PJA2: variants seen among roughly 807,000 people sequenced by gnomAD.
The protein encoded by PJA2 is E3 ubiquitin-protein ligase Praja-2.
PJA2 carries 25 observed loss-of-function variants against 69.3 expected under a neutral mutation model. The ratio of observed to expected loss-of-function variants is 0.36; its 90% CI spans 0.26 to 0.50. PJA2 has a LOEUF of 0.50. Among genes scored for constraint, PJA2 ranks in the 20% least tolerant of loss-of-function variants. The probability of loss-of-function intolerance (pLI) is 0.96; values close to 1 mark genes in which losing one functional copy is unlikely to be tolerated. For missense variants in PJA2, 809 were observed against 830.2 expected (o/e 0.97, Z 0.31); for synonymous variants, 308 against 277.8 (o/e 1.11, Z -1.08).
At chr5:109,356,726 G>A (rs75487666) in intron 6 of PJA2, among the ~76,000 whole-genome samples, 5,056 of 151,728 alleles carry the variant, frequency 0.033, 109 homozygotes, top group Middle Eastern at 0.051. Flanking sequence ...TAATAACTCT[G>A]GATTTTAAAA....
intron 5 of PJA2, among the ~76,000 whole-genome samples, chr5:109,364,500 G>A (rs796913749): frequency 1.5e-4 from 22 of 150,232 alleles, no homozygotes; most frequent in African/African-American, 5.4e-4. Context: ...GCGGGCGCCT[G>A]TAGTCCCAGC....
chr5:109,384,190 C>A (rs1747109813), intron 1 of PJA2, among the ~76,000 whole-genome samples: 1 of 152,172 alleles, frequency 6.6e-6, no homozygotes, highest in Non-Finnish European at 1.5e-5. Flanking sequence ...CATTGCTTCT[C>A]TGTCAAGCAG....
intron 7 of PJA2, among the ~76,000 whole-genome samples, chr5:109,353,781 AGATGTCTAT>A (rs1370740312): frequency 1.4e-3 from 204 of 143,428 alleles, no homozygotes; most frequent in Admixed American, 1.7e-3. Context: ...TCTATAGATT[AGATGTCTAT>A]GATATCTAGA....
At chr5:109,380,110 T>TTTG (rs1561357771) in intron 3 of PJA2, among the ~76,000 whole-genome samples, 2 of 144,832 alleles carry the variant, frequency 1.4e-5, no homozygotes, top group African/African-American at 5.2e-5. Flanking sequence ...TTTTTTTTTT[T>TTTG]TGAGACGGAG....
At chr5:109,377,549 T>C (rs528744413) in intron 4 of PJA2, among the ~76,000 whole-genome samples, 1 of 152,260 alleles carries the variant, frequency 6.6e-6, no homozygotes, top group East Asian at 1.9e-4. Flanking sequence ...AGAATAGTGG[T>C]GAACAGTCTC....
At chr5:109,342,863 C>T (rs1297608825) in intron 9 of PJA2, among the ~76,000 whole-genome samples, 18 of 20,426 alleles carry the variant, frequency 8.8e-4, no homozygotes, top group African/African-American at 2.6e-3. Context: ...CCAGCCGCCC[C>T]GTCCGGGAGG....
intron 1 of PJA2, among the ~76,000 whole-genome samples, chr5:109,395,259 C>T (rs1747379641): frequency 6.6e-6 from 1 of 152,206 alleles, no homozygotes; most frequent in Admixed American, 6.5e-5. Context: ...AGGCTGGGCC[C>T]AGTGGCTCAT....
At chr5:109,403,848 G>C (rs1385556812) in intron 1 of PJA2, among the ~76,000 whole-genome samples, 2 of 151,228 alleles carry the variant, frequency 1.3e-5, no homozygotes, top group African/African-American at 4.9e-5. Flanking sequence ...AAGGCGGGCA[G>C]ATCACGAGGT....
intron 4 of PJA2, among the ~76,000 whole-genome samples, chr5:109,369,052 G>A (rs530098198): frequency 6.6e-6 from 1 of 152,234 alleles, no homozygotes; most frequent in East Asian, 1.9e-4. Flanking sequence ...TGCCAAGTGA[G>A]AAGCCTTGTT....
At chr5:109,387,390 G>T (rs960233466) in intron 1 of PJA2, among the ~76,000 whole-genome samples, 1 of 152,022 alleles carries the variant, frequency 6.6e-6, no homozygotes, top group African/African-American at 2.4e-5. Context: ...CCATAGCTAG[G>T]GTCAAGATTA....
chr5:109,381,245 G>A (rs1747040969), intron 3 of PJA2, among the ~76,000 whole-genome samples: 1 of 151,950 alleles, frequency 6.6e-6, no homozygotes, highest in Admixed American at 6.6e-5. Flanking sequence ...CCTTTGGCTG[G>A]AGGTTATGAC....
At position 109,378,767 on chromosome 5, in the gene PJA2, T is replaced by C. The variant is rs776730818; in HGVS notation, c.720A>G (p.Lys240=). 1 of 1,612,456 alleles carries C rather than the reference T, an allele frequency of 6.2e-7. No individual in the cohort carries two copies. Among genetic ancestry groups the C allele is most frequent in the South Asian group, 1.1e-5 (1 of 91,078 alleles). The change falls in exon 4 of 10, where the codon AAA becomes AAG. Residue 240 remains lysine (K), a synonymous_variant. Coordinates refer to ENST00000361189, the MANE Select transcript of PJA2 (RefSeq NM_014819.5). ...FEELDSVPLV[K]SSAGDTEFVH... is the part of the protein sequence containing the mutation. ...CAAACTCAGTATCACCAGCAGAACT[T>C]TTCACTAATGGTACAGAATCTAACT...
At chr5:109,345,605 T>C (rs969723694) in intron 7 of PJA2, among the ~76,000 whole-genome samples, 5 of 152,020 alleles carry the variant, frequency 3.3e-5, no homozygotes, top group Admixed American at 6.5e-5. Context: ...TTTCCAACTA[T>C]TGGTTCCTAT....
At chr5:109,373,140 T>A (rs2127003780) in intron 4 of PJA2, among the ~76,000 whole-genome samples, 1 of 152,062 alleles carries the variant, frequency 6.6e-6, no homozygotes, top group Middle Eastern at 3.4e-3. Context: ...TTCAAGGCAG[T>A]AAGAAGAGTG....
chr5:109,347,670 T>TG (rs56775433), intron 7 of PJA2, among the ~76,000 whole-genome samples: 4,246 of 152,298 alleles, frequency 0.028, 203 homozygotes, highest in African/African-American at 0.097. Context: ...CACAGTACCA[T>TG]AAATACTCCT....
intron 4 of PJA2, among the ~76,000 whole-genome samples, chr5:109,374,749 C>A (rs1213466118): frequency 1.3e-5 from 2 of 152,188 alleles, no homozygotes; most frequent in African/African-American, 4.8e-5. Flanking sequence ...CACAAAAATT[C>A]TGCAAGAAAC....
intron 1 of PJA2, among the ~76,000 whole-genome samples, chr5:109,386,718 G>A (rs1462122146): frequency 6.6e-6 from 1 of 151,940 alleles, no homozygotes; most frequent in Non-Finnish European, 1.5e-5. Flanking sequence ...GGCAAACACT[G>A]AGTCCTTGGA....
chr5:109,386,476 A>G (rs1747160439), intron 1 of PJA2, among the ~76,000 whole-genome samples: 1 of 152,166 alleles, frequency 6.6e-6, no homozygotes, highest in South Asian at 2.1e-4. Context: ...ACTTTTCTTT[A>G]ATGTGATTCC....
rs761720491 is a variant in PJA2, at chr5:109,379,215, C to T, written c.272G>A (p.Ser91Asn). The change falls in exon 4 of 10, where the codon AGT (serine) becomes AAT (asparagine). Residue 91 changes from serine to asparagine, a missense_variant. This residue lies in a region of PJA2 where 700 missense variants were observed against 639.5 expected (regional missense o/e 1.09). Transcript: ENST00000361189. ...PLDQVDSSLP[S>N]EPIFEKSETE... Reference sequence around the variant, plus strand: ...TTCACTTTTTTCAAATATAGGTTCACTGGGTAAAGAAGAATCAACTTGATC... The same window carrying T: ...TTCACTTTTTTCAAATATAGGTTCATTGGGTAAAGAAGAATCAACTTGATC... 2 of 1,613,466 alleles carry T rather than the reference C, an allele frequency of 1.2e-6. No homozygotes were observed. Among genetic ancestry groups the T allele is most frequent in the East Asian group, 4.5e-5 (2 of 44,866 alleles).
Sources: allele counts gnomAD v4.1 joint callset (sites outside exome capture counted in the v4.1 genomes callset), GRCh38; gene constraint gnomAD v4.1.1; regional missense constraint gnomAD v4.1.1; transcripts MANE v1.5; gene names NCBI Gene and HGNC (gene_info 2026-07-23, HGNC 2026-07-21).